ROCK2: variants seen among roughly 807,000 people sequenced by gnomAD.
The protein encoded by ROCK2 is rho-associated protein kinase 2.
In ROCK2, 61 loss-of-function variants were observed where a neutral mutation model predicts 195.1. The ratio of observed to expected loss-of-function variants is 0.31; its 90% CI spans 0.25 to 0.39. ROCK2 has a LOEUF of 0.39. Among genes scored for constraint, ROCK2 ranks in the 10% least tolerant of loss-of-function variants. ROCK2 has a pLI of 1.00. For missense variants in ROCK2, 1,109 were observed against 1,637.4 expected (o/e 0.68, Z 5.57); for synonymous variants, 504 against 545.5 (o/e 0.92, Z 1.06).
chr2:11,187,487 A>G lies in ROCK2; in HGVS notation c.4164-4047T>C, dbSNP rs1435239548. ...ATCCACTGGGGGTCTTGGACTACAT[A>G]TCCCTTGAGATAAAGGGGGACTACT... On this transcript the variant is annotated intron_variant, in intron 32 of 32. Transcript: ENST00000315872. Among the ~76,000 whole-genome samples, 8 of 152,302 alleles carry G rather than the reference A, an allele frequency of 5.3e-5. No homozygotes were observed. The East Asian group carries it at 1.5e-3, about 29-fold the overall frequency.
intron 1 of ROCK2, among the ~76,000 whole-genome samples, chr2:11,296,009 A>AGGGGGGGAGAGAGAGAGAGAGAGAGC (rs1483694459): frequency 9.9e-6 from 1 of 101,290 alleles, no homozygotes; most frequent in Non-Finnish European, 2.1e-5. Context: ...GAGAGAGGAG[A>AGGGGGGGAGAGAGAGAGAGAGAGAGC]GAGAGAGAGA....
Position 11,183,327 on chromosome 2 carries a change from C to G in ROCK2, c.*110G>C. The G allele has an allele frequency of 3.7e-6, 3 of 811,210 alleles. No individual in the cohort carries two copies. The highest frequency in any genetic ancestry group is 2.3e-4 in the Middle Eastern group (1 of 4,356). The allele number at this position is 811,210 out of a possible 1,614,324, so 50.3% of individuals were successfully genotyped here. A position where few individuals can be genotyped will look rare whatever the true frequency, so the allele number is the denominator to read the frequency against. On this transcript the variant is annotated 3_prime_UTR_variant, in exon 33 of 33. Transcript: ENST00000315872. ...TATATGTATGAGTGTATGTATCAGT[C>G]TCTCAGGAAAATATAGCTTTTTAAT...
chr2:11,198,647 A>G (rs766673535), intron 24 of ROCK2, 34 bp downstream of exon 24: 2 of 1,559,482 alleles, frequency 1.3e-6, no homozygotes, highest in South Asian at 1.1e-5. Flanking sequence ...AACATTAGGT[A>G]TATTAAAAAT....
chr2:11,321,270 C>T (rs1002881999), intron 1 of ROCK2, among the ~76,000 whole-genome samples: 3 of 152,038 alleles, frequency 2.0e-5, no homozygotes, highest in South Asian at 2.1e-4. Context: ...CCGCCTCCAA[C>T]GTTCAAGCGA....
chr2:11,308,606 C>A (rs180720680), intron 1 of ROCK2: 2 of 1,481,778 alleles, frequency 1.3e-6, no homozygotes, highest in African/African-American at 1.4e-5. Flanking sequence ...TGTAAAGGAT[C>A]TGAATGGCAT....
chr2:11,222,420 T>C (rs1357027515), intron 7 of ROCK2, among the ~76,000 whole-genome samples: 1 of 152,134 alleles, frequency 6.6e-6, no homozygotes, highest in Non-Finnish European at 1.5e-5. Flanking sequence ...TGTCTATAGT[T>C]TGCATCAAAT....
upstream of ROCK2, chr2:11,344,697 C>T (rs1572437508): frequency 6.7e-6 from 1 of 148,970 alleles, no homozygotes; most frequent in Middle Eastern, 3.5e-3. This position sits in a 1 kb window ranked among gnomAD's most constrained non-coding sequence, Gnocchi z 5.4. Flanking sequence ...CGCGCGTCCC[C>T]GCCGGCCCTG....
chr2:11,198,503 T>C lies in ROCK2; in HGVS notation c.3087A>G (p.Thr1029=), dbSNP rs757679973. 2.5e-6 allele frequency: 4 copies of C among 1,605,990 alleles called. No individual in the cohort carries two copies. The highest frequency in any genetic ancestry group is 3.4e-6 in the Non-Finnish European group (4 of 1,173,746). ...QFEKQLLTER[T]LKTQAVNKLA... is the part of the protein sequence containing the mutation. ...CTATTATACATACTTGAGTTTTGAG[T>C]GTTCTTTCTGTTAATAGCTGCTTCT... Residue 1029 remains threonine (T), a synonymous_variant, in exon 25 of 33, where the codon ACA becomes ACG. Coordinates refer to ENST00000315872, the MANE Select transcript of ROCK2 (RefSeq NM_004850.5).
At chr2:11,282,014 A>C (rs902743941) in intron 3 of ROCK2, among the ~76,000 whole-genome samples, 3 of 152,168 alleles carry the variant, frequency 2.0e-5, no homozygotes, top group Non-Finnish European at 2.9e-5. Context: ...AACTGATTCT[A>C]AAGTTTATAT....
upstream of ROCK2, among the ~76,000 whole-genome samples, chr2:11,344,776 C>G (rs1046747394): frequency 1.1e-4 from 16 of 150,348 alleles, no homozygotes; most frequent in African/African-American, 3.6e-4. The surrounding 1 kb of genome is among the most constrained non-coding windows in gnomAD (Gnocchi z 5.4). Context: ...TGCGTCTGTC[C>G]CGCTCCGCTT....
At chr2:11,316,483 T>A (rs1010754034) in intron 1 of ROCK2, among the ~76,000 whole-genome samples, 2 of 152,148 alleles carry the variant, frequency 1.3e-5, no homozygotes, top group Non-Finnish European at 2.9e-5. Context: ...TTTAATTTCA[T>A]GTACTCCAAA....
intron 1 of ROCK2, among the ~76,000 whole-genome samples, chr2:11,313,711 T>C (rs1668108102): frequency 6.6e-6 from 1 of 152,002 alleles, no homozygotes; most frequent in Admixed American, 6.6e-5. Context: ...TTCATATCTA[T>C]TATGTTTAGA....
intron 29 of ROCK2, 95 bp from the exon 30 acceptor site, chr2:11,193,952 T>TA: frequency 1.7e-6 from 1 of 583,040 alleles, no homozygotes; most frequent in Non-Finnish European, 2.9e-6. Flanking sequence ...AAACACTGAC[T>TA]ACTTTGACCC....
At chr2:11,269,691 T>A (rs190056736) in intron 3 of ROCK2, among the ~76,000 whole-genome samples, 5 of 152,320 alleles carry the variant, frequency 3.3e-5, no homozygotes, top group Non-Finnish European at 7.4e-5. Flanking sequence ...CGAAAGAGAT[T>A]CCTCTTGCTT....
At chr2:11,275,077 T>C (rs1457553012) in intron 3 of ROCK2, among the ~76,000 whole-genome samples, 4 of 151,950 alleles carry the variant, frequency 2.6e-5, no homozygotes, top group Non-Finnish European at 5.9e-5. Flanking sequence ...GCCAACATGG[T>C]GAATCCCCAT....
chr2:11,229,509 A>AGCATAC (rs1664926273), intron 5 of ROCK2, among the ~76,000 whole-genome samples: 1 of 151,778 alleles, frequency 6.6e-6, no homozygotes, highest in South Asian at 2.1e-4. Context: ...CTCTTCTCTG[A>AGCATAC]GCATACATTT....
At chr2:11,189,743 A>T (rs1354702350) in intron 32 of ROCK2, among the ~76,000 whole-genome samples, 1 of 152,096 alleles carries the variant, frequency 6.6e-6, no homozygotes, top group Non-Finnish European at 1.5e-5. Context: ...GCACTTTGGG[A>T]GGCCGAGGTG....
intron 4 of ROCK2, among the ~76,000 whole-genome samples, chr2:11,242,152 A>G (rs1665448514): frequency 6.6e-6 from 1 of 152,188 alleles, no homozygotes; most frequent in South Asian, 2.1e-4. Flanking sequence ...TACCTGGTTC[A>G]TAGTATTTTG....
intron 17 of ROCK2, among the ~76,000 whole-genome samples, chr2:11,213,253 C>G (rs777152069): frequency 2.0e-5 from 3 of 152,132 alleles, no homozygotes; most frequent in African/African-American, 7.2e-5. Context: ...CAGTATACAG[C>G]GATCTATCTT....
Sources: gnomAD v4.1 joint callset for allele counts (sites outside exome capture counted in the v4.1 genomes callset) on GRCh38, gnomAD v4.1.1 for gene constraint, Gnocchi (gnomAD v3.1) non-coding constraint, MANE v1.5 for transcripts, NCBI Gene and HGNC (gene_info 2026-07-23, HGNC 2026-07-21) for gene names.